The following AKAP13 variants were observed in gnomAD, a reference collection of about 807,000 sequenced individuals.
AKAP13 encodes A-kinase anchoring protein 13, also known as A-kinase anchor protein 13.
Under a neutral mutation model 264.5 loss-of-function variants are expected in AKAP13, and 80 were observed. The ratio of observed to expected loss-of-function variants is 0.30; its 90% confidence interval spans 0.25 to 0.36. The LOEUF is 0.36. AKAP13 is among the 10% of genes least tolerant of loss of function. The pLI, the probability that AKAP13 is intolerant of heterozygous loss-of-function variation, is 1.00. For missense variants in AKAP13, 3,712 were observed against 3,435.2 expected (o/e 1.08, Z -2.01); for synonymous variants, 1,380 against 1,250.2 (o/e 1.10, Z -2.19).
At chr15:85,395,097 C>T (rs570958130) in intron 1 of AKAP13, among the ~76,000 whole-genome samples, 2 of 152,274 alleles carry the variant, frequency 1.3e-5, no homozygotes, top group Admixed American at 1.3e-4. Flanking sequence ...GCCCATTGTT[C>T]AGAGGAACCG....
At chr15:85,744,196 C>G in intron 36 of AKAP13, 1 of 297,792 alleles carries the variant, frequency 3.4e-6, no homozygotes, top group Non-Finnish European at 6.3e-6. Flanking sequence ...ATGAAGTTGG[C>G]ACTGCTAACC....
intron 5 of AKAP13, 96 bp from the exon 6 acceptor site, chr15:85,575,035 A>G: frequency 8.1e-7 from 1 of 1,236,684 alleles, no homozygotes; most frequent in Admixed American, 2.0e-5. Flanking sequence ...ACCTCAAAGA[A>G]CAATCAGGTT....
chr15:85,543,771 G>C lies in AKAP13; in HGVS notation c.479-1G>C. ...ACGTTCATTTTCTCCCCCATTTACA[G>C]ATGCTGGCCCGCGAGAGACATTGAT... On this transcript the variant is annotated splice_acceptor_variant, in intron 4 of 36. Transcript: ENST00000394518. LOFTEE classifies it high-confidence loss of function. 2 of 1,595,366 alleles carry C rather than the reference G, an allele frequency of 1.3e-6. No homozygotes were observed. Among genetic ancestry groups the C allele is most frequent in the South Asian group, 1.1e-5 (1 of 88,744 alleles).
At chr15:85,474,027 A>G (rs756382467) in intron 1 of AKAP13, among the ~76,000 whole-genome samples, 11 of 152,194 alleles carry the variant, frequency 7.2e-5, no homozygotes, top group Admixed American at 2.6e-4. Context: ...AGCCCACTCA[A>G]CTACTAGTTT....
At chr15:85,511,424 A>G (rs139200327) in intron 2 of AKAP13, among the ~76,000 whole-genome samples, 3 of 152,168 alleles carry the variant, frequency 2.0e-5, no homozygotes, top group African/African-American at 7.2e-5. Flanking sequence ...CCTGTTACCT[A>G]CCTGTTGGAT....
At position 85,718,422 on chromosome 15, in the gene AKAP13, A is replaced by C. The variant is rs1393072852; in HGVS notation, c.6001+263A>C. On this transcript the variant is annotated intron_variant, in intron 22 of 36. Coordinates refer to ENST00000394518, the MANE Select transcript of AKAP13 (RefSeq NM_007200.5). This position sits in a 1 kb window ranked among gnomAD's most constrained non-coding sequence, Gnocchi z 4.9. ...CAGCAGTCCTAGAAAGAGATATCTC[A>C]GTTTTTTTCCTTACCTACACTAAAA... is the stretch of plus-strand genomic sequence containing the variant. Among the ~76,000 whole-genome samples the C allele has an allele frequency of 6.6e-6, 1 of 152,134 alleles. No homozygotes were observed. Among genetic ancestry groups the C allele is most frequent in the African/African-American group, 2.4e-5 (1 of 41,422 alleles).
chr15:85,431,062 T>C (rs2073005288), intron 1 of AKAP13, among the ~76,000 whole-genome samples: 1 of 152,230 alleles, frequency 6.6e-6, no homozygotes, highest in African/African-American at 2.4e-5. Flanking sequence ...TCATAGTTAG[T>C]GCATAATCAG....
In AKAP13 at chr15:85,563,326, C is replaced by CCTGTTTTTTTTTTTTTT. The variant is rs746701868; in HGVS notation, c.663-11805_663-11804insCTGTTTTTTTTTTTTTT. ...TTGTCCTTCATTTGAGTAGAATGTG[C>CCTGTTTTTTTTTTTTTT]TTGTTTTTTTTTTTTTTTTTTTTTT... On this transcript the variant is annotated intron_variant, in intron 5 of 36. Coordinates refer to ENST00000394518, the MANE Select transcript of AKAP13 (RefSeq NM_007200.5). Among the ~76,000 whole-genome samples, 3 of 83,320 alleles carry CCTGTTTTTTTTTTTTTT rather than the reference C, an allele frequency of 3.6e-5. 1 individual carries two copies. The allele number at this position is 83,320 out of a possible 152,430, so 54.7% of individuals were successfully genotyped here.
intron 3 of AKAP13, among the ~76,000 whole-genome samples, chr15:85,527,669 TC>T (rs751338955): frequency 1.2e-4 from 19 of 152,334 alleles, no homozygotes; most frequent in South Asian, 6.2e-4. Flanking sequence ...GATTAAATAC[TC>T]CTGTACACAT....
chr15:85,656,767 C>T (rs2083117429), intron 11 of AKAP13, among the ~76,000 whole-genome samples: 1 of 152,156 alleles, frequency 6.6e-6, no homozygotes, highest in Non-Finnish European at 1.5e-5. Context: ...CTTCTGACTG[C>T]TGGCTGGCTA....
chr15:85,736,432 T>G (rs2088514749), intron 33 of AKAP13, among the ~76,000 whole-genome samples: 1 of 149,266 alleles, frequency 6.7e-6, no homozygotes, highest in African/African-American at 2.6e-5. Context: ...TTTGTTTGTT[T>G]GTTTGTTTGT....
At chr15:85,620,116 T>C in intron 8 of AKAP13, 2 of 1,536,112 alleles carry the variant, frequency 1.3e-6, no homozygotes, top group Non-Finnish European at 1.7e-6. Flanking sequence ...CAAGAGGCGC[T>C]ACAGCCTCTG....
intron 16 of AKAP13, 90 bp from the exon 17 acceptor site, chr15:85,693,187 G>C: frequency 2.1e-6 from 3 of 1,424,610 alleles, no homozygotes; most frequent in Non-Finnish European, 2.7e-6. Context: ...GTCACCAGCT[G>C]TTGTTAACCA....
At chr15:85,590,968 G>A (rs2079555944) in intron 8 of AKAP13, among the ~76,000 whole-genome samples, 1 of 152,148 alleles carries the variant, frequency 6.6e-6, no homozygotes, top group Non-Finnish European at 1.5e-5. Context: ...GAATATGGTG[G>A]TTCAGACTCA....
intron 1 of AKAP13, among the ~76,000 whole-genome samples, chr15:85,432,364 T>C (rs1224029587): frequency 6.6e-6 from 1 of 151,274 alleles, no homozygotes; most frequent in Non-Finnish European, 1.5e-5. Context: ...TCTCTGCAAA[T>C]CTTAAAAAAA....
intron 1 of AKAP13, among the ~76,000 whole-genome samples, chr15:85,384,717 A>AAG (rs1491278888): frequency 3.8e-5 from 3 of 78,640 alleles, no homozygotes; most frequent in Non-Finnish European, 1.2e-4. Context: ...ACTCCGTCTG[A>AAG]AAAAAAAAAA....
chr15:85,478,142 T>TAC (rs1411103472), intron 1 of AKAP13, among the ~76,000 whole-genome samples: 1 of 152,240 alleles, frequency 6.6e-6, no homozygotes, highest in African/African-American at 2.4e-5. Flanking sequence ...TTTACATACA[T>TAC]ATGACCCTTT....
chr15:85,533,560 A>G (rs777605685), intron 3 of AKAP13, 24 bp from the exon 4 acceptor site: 3 of 1,578,866 alleles, frequency 1.9e-6, no homozygotes, highest in Non-Finnish European at 1.7e-6. Context: ...ATACTGTTTT[A>G]TTTGCTGCCT....
At chr15:85,675,726 GT>G (rs2084190737) in intron 14 of AKAP13, among the ~76,000 whole-genome samples, 1 of 152,224 alleles carries the variant, frequency 6.6e-6, no homozygotes, top group Admixed American at 6.5e-5. Context: ...TAATATTAAA[GT>G]TTGGACCAGA....
Sources: allele counts gnomAD v4.1 joint callset (sites outside exome capture counted in the v4.1 genomes callset), GRCh38; gene constraint gnomAD v4.1.1; non-coding constraint Gnocchi (gnomAD v3.1); transcripts MANE v1.5; gene names NCBI Gene and HGNC (gene_info 2026-07-23, HGNC 2026-07-21).